The following MIOS variants were observed in gnomAD, a reference collection of about 807,000 sequenced individuals.
MIOS encodes meiosis regulator for oocyte development, also known as GATOR2 complex protein MIOS.
In MIOS, 52 loss-of-function variants were observed where a neutral mutation model predicts 96.9. The ratio of observed to expected loss-of-function variants is 0.54; its 90% CI spans 0.43 to 0.68. The LOEUF (loss-of-function observed/expected upper bound fraction) is 0.68. Ranked by LOEUF, MIOS falls within the 30% of genes least tolerant of loss-of-function variation. The pLI is 0.00. For synonymous variants in MIOS, 397 were observed against 359.5 expected (o/e 1.10, Z -1.18); for missense variants, 1,005 against 1,052.8 (o/e 0.95, Z 0.63).
chr7:7,574,153 A>G lies in MIOS; in HGVS notation c.1350A>G (p.Ser450=). ...MDQKSPGNKG[S]LVYAGIKSIV... ...AGAAATCTCCAGGCAACAAAGGATC[A>G]TTGGTTTATGCAGGAATTAAATCAA... The change falls in exon 5 of 13, where the codon TCA becomes TCG. Residue 450 remains serine (S), a synonymous_variant. Coordinates refer to ENST00000340080, the MANE Select transcript of MIOS (RefSeq NM_019005.4). 1.9e-6 allele frequency: 3 copies of G among 1,611,272 alleles called. No homozygotes were observed. Among genetic ancestry groups the G allele is most frequent in the Non-Finnish European group, 2.5e-6 (3 of 1,178,402 alleles).
chr7:7,605,834 A>T, intron 11 of MIOS, 108 bp from the exon 12 acceptor site: 1 of 1,120,860 alleles, frequency 8.9e-7, no homozygotes, highest in Non-Finnish European at 1.2e-6. Flanking sequence ...CTATTTCAAT[A>T]TGATGTGTGA....
chr7:7,585,726 G>T lies in MIOS; in HGVS notation c.1739G>T (p.Arg580Leu). The change falls in exon 7 of 13, where the codon CGA becomes CTA. Residue 580 changes from arginine to leucine, a missense_variant. By Grantham distance (102) the Arg-to-Leu change is moderately radical. Transcript: ENST00000340080. Reference sequence around the variant, plus strand: ...TGGAGAGAAATGTGTAGCACACTGCGATTACAGCTAAATAACCCGTATTTG... The same window carrying T: ...TGGAGAGAAATGTGTAGCACACTGCTATTACAGCTAAATAACCCGTATTTG... ...SLWREMCSTL[R>L]LQLNNPYLCV... 1.2e-6 allele frequency: 2 copies of T among 1,612,736 alleles called. No individual in the cohort carries two copies. The highest frequency in any genetic ancestry group is 1.7e-6 in the Non-Finnish European group (2 of 1,179,338).
At chr7:7,606,103 G>A in intron 12 of MIOS, 32 bp downstream of exon 12, 3 of 1,610,664 alleles carry the variant, frequency 1.9e-6, no homozygotes, top group Non-Finnish European at 2.5e-6. Flanking sequence ...TGATAGGCTT[G>A]GAGTTATGGG....
chr7:7,574,129 G>C lies in MIOS; in HGVS notation c.1326G>C (p.Gln442His). Residue 442 changes from glutamine to histidine, a missense_variant, in exon 5 of 13, where the codon CAG becomes CAC. Physicochemically the swap from Gln to His is conservative, Grantham distance 24. This residue lies in a region of MIOS where 865 missense variants were observed against 887.9 expected (regional missense o/e 0.97). Transcript: ENST00000340080. Reference sequence around the variant, plus strand: ...AGCAATACACAGAAGATATGGATCAGAAATCTCCAGGCAACAAAGGATCAT... The same window carrying C: ...AGCAATACACAGAAGATATGGATCACAAATCTCCAGGCAACAAAGGATCAT... ...FMKQYTEDMDQKSPGNKGSLV... is the reference protein window; with the variant it reads ...FMKQYTEDMDHKSPGNKGSLV... 1 of 1,610,978 alleles carries C rather than the reference G, an allele frequency of 6.2e-7. No individual in the cohort carries two copies. Among genetic ancestry groups the C allele is most frequent in the Non-Finnish European group, 8.5e-7 (1 of 1,178,212 alleles).
In MIOS at chr7:7,607,115, C is replaced by A; in HGVS notation, c.*23C>A. On this transcript the variant is annotated 3_prime_UTR_variant, in exon 13 of 13. Coordinates refer to ENST00000340080, the MANE Select transcript of MIOS (RefSeq NM_019005.4). ...TAAAATGTTACCACCTTAAGAGAAC[C>A]CTTCAAGTGTGGAGCTTTCTAGTAG... 1 of 1,575,504 alleles carries A rather than the reference C, an allele frequency of 6.3e-7. No individual in the cohort carries two copies. Among genetic ancestry groups the A allele is most frequent in the South Asian group, 1.1e-5 (1 of 87,872 alleles).
In MIOS at chr7:7,597,835, C is replaced by G. The variant is rs141266201; in HGVS notation, c.2401+1374C>G. The stretch of plus-strand genomic sequence containing the variant: ...TCAGGTGATCCTCCCACCTCAGCCT[C>G]CCAAGTAGCTGGGACCATAGGGTTT... On this transcript the variant is annotated intron_variant, in intron 11 of 12. Coordinates refer to ENST00000340080, the MANE Select transcript of MIOS (RefSeq NM_019005.4). 9.7e-3 allele frequency among the ~76,000 whole-genome samples: 1,471 copies of G among 152,058 alleles called. 17 individuals carry two copies. The highest frequency in any genetic ancestry group is 0.017 in the Non-Finnish European group (1,130 of 67,960).
chr7:7,567,385 G>A (rs996807443), intron 1 of MIOS: 2 of 152,720 alleles, frequency 1.3e-5, no homozygotes, highest in South Asian at 4.1e-4. Flanking sequence ...CCTGGAGCGG[G>A]AGAGTCGGAC....
chr7:7,602,636 A>G lies in MIOS; in HGVS notation c.2402-3306A>G, dbSNP rs1161095349. Among the ~76,000 whole-genome samples, 3 of 152,240 alleles carry G rather than the reference A, an allele frequency of 2.0e-5. No individual in the cohort carries two copies. The South Asian group carries it at 6.2e-4, about 32-fold the overall frequency. On this transcript the variant is annotated intron_variant, in intron 11 of 12. Coordinates refer to ENST00000340080, the MANE Select transcript of MIOS (RefSeq NM_019005.4). Reference sequence around the variant, plus strand: ...GGTGGGAAGAATCAATATCATGAAAATGGCCATACTGCCCAAGGTAATTTA... The same window carrying G: ...GGTGGGAAGAATCAATATCATGAAAGTGGCCATACTGCCCAAGGTAATTTA...
chr7:7,606,226 G>A (rs780834333), intron 12 of MIOS, among the ~76,000 whole-genome samples, 155 bp downstream of exon 12: 1 of 152,146 alleles, frequency 6.6e-6, no homozygotes, highest in African/African-American at 2.4e-5. Context: ...TGAACATGTC[G>A]TGATTAGATA....
At chr7:7,567,430 C>G (rs1331791171) in intron 1 of MIOS, 177 bp from the exon 2 acceptor site, 1 of 152,014 alleles carries the variant, frequency 6.6e-6, no homozygotes, top group African/African-American at 2.4e-5. Flanking sequence ...AGCAACGTGC[C>G]CTGTTCCCGT....
chr7:7,589,314 A>G (rs1783980747), intron 8 of MIOS, 91 bp from the exon 9 acceptor site: 12 of 1,116,002 alleles, frequency 1.1e-5, no homozygotes, highest in Non-Finnish European at 1.5e-5. Flanking sequence ...AATGTTTTCC[A>G]TTAGGAATGA....
chr7:7,606,015 A>C lies in MIOS; in HGVS notation c.2475A>C (p.Thr825=). The C allele has an allele frequency of 6.2e-7, 1 of 1,614,016 alleles. No homozygotes were observed. The highest frequency in any genetic ancestry group is 1.1e-5 in the South Asian group (1 of 91,076). Residue 825 remains threonine, a synonymous_variant, in exon 12 of 13, where the codon ACA becomes ACC. Transcript: ENST00000340080. The part of the protein sequence containing the change: ...KKLAQFNNWF[T]WCHNCRHGGH... ...TAGCCCAATTTAACAACTGGTTTAC[A>C]TGGTGTCATAATTGCAGGCACGGTG...
At position 7,573,974 on chromosome 7, in the gene MIOS, C is replaced by G. The variant is rs1783442128; in HGVS notation, c.1295-124C>G. 3.3e-6 allele frequency: 3 copies of G among 903,850 alleles called. No homozygotes were observed. 56.0% of individuals were successfully genotyped at this position (903,850 alleles called of 1,614,324 possible). A position where few individuals can be genotyped will look rare whatever the true frequency, so the allele number is the denominator to read the frequency against. On this transcript the variant is annotated intron_variant, in intron 4 of 12. Transcript: ENST00000340080. The surrounding 1 kb of genome is among the most constrained non-coding windows in gnomAD (Gnocchi z 5.0). Reference sequence around the variant, plus strand: ...GTGTAGGAGGAAGAAAAGTGTATCTCTGCAATAGAGTCGAACCACCTTATT... The same window carrying G: ...GTGTAGGAGGAAGAAAAGTGTATCTGTGCAATAGAGTCGAACCACCTTATT...
At chr7:7,605,892 AAAT>A in intron 11 of MIOS, 47 bp from the exon 12 acceptor site, 1 of 1,520,840 alleles carries the variant, frequency 6.6e-7, no homozygotes, top group Non-Finnish European at 8.9e-7. Flanking sequence ...AAGTAACTTT[AAAT>A]AAAATATTAT....
intron 5 of MIOS, among the ~76,000 whole-genome samples, chr7:7,582,268 A>G (rs1049144927): frequency 6.6e-6 from 1 of 152,184 alleles, no homozygotes; most frequent in African/African-American, 2.4e-5. Flanking sequence ...TATTCTGAAA[A>G]TCCTTTTTGT....
chr7:7,591,977 T>C (rs1784061059), intron 9 of MIOS, among the ~76,000 whole-genome samples: 1 of 94,216 alleles, frequency 1.1e-5, no homozygotes, highest in African/African-American at 3.8e-5. Context: ...ATTCTTCAAA[T>C]TGGTTAATTT....
chr7:7,576,609 G>C (rs1368446162), intron 5 of MIOS, among the ~76,000 whole-genome samples: 1 of 152,198 alleles, frequency 6.6e-6, no homozygotes, highest in African/African-American at 2.4e-5. Context: ...GGCTAGAAAG[G>C]TAAGCAGTGG....
At chr7:7,582,280 A>G (rs1178810773) in intron 5 of MIOS, among the ~76,000 whole-genome samples, 1 of 152,150 alleles carries the variant, frequency 6.6e-6, no homozygotes, top group African/African-American at 2.4e-5. Context: ...CCTTTTTGTT[A>G]AAAAACATAA....
rs372634070 is a variant in MIOS at position 7,597,517 on chromosome 7, T to TATATATATATATATAAAA, written c.2401+1056_2401+1057insATATATATATATATAAAA. 3.0e-3 allele frequency among the ~76,000 whole-genome samples: 211 copies of TATATATATATATATAAAA among 70,436 alleles called. 60 individuals carry two copies. The highest frequency in any genetic ancestry group is 4.3e-3 in the Non-Finnish European group (156 of 36,492). The allele number at this position is 70,436 out of a possible 152,430, so 46.2% of individuals were successfully genotyped here. On this transcript the variant is annotated intron_variant, in intron 11 of 12. Coordinates refer to ENST00000340080, the MANE Select transcript of MIOS (RefSeq NM_019005.4). ...ATATATATATATATATATATATATA[T>TATATATATATATATAAAA]GAAGGCAATACGTAATGTTTTAAAT...
Sources: allele counts gnomAD v4.1 joint callset (sites outside exome capture counted in the v4.1 genomes callset), GRCh38; gene constraint gnomAD v4.1.1; regional missense constraint gnomAD v4.1.1; non-coding constraint Gnocchi (gnomAD v3.1); transcripts MANE v1.5; gene names NCBI Gene and HGNC (gene_info 2026-07-23, HGNC 2026-07-21).